INSL6: variants seen among roughly 807,000 people sequenced by gnomAD.
The protein encoded by INSL6 is insulin-like peptide INSL6.
A neutral mutation model predicts 9.4 loss-of-function variants in INSL6; 16 were observed. That is an observed-to-expected ratio of 1.70 (90% CI 1.15 to 2.59). INSL6 has a LOEUF of 2.59. Among genes scored for constraint, INSL6 ranks in the 30% most tolerant of loss-of-function variants. The pLI, the probability that INSL6 is intolerant of heterozygous loss-of-function variation, is 0.00. For synonymous variants in INSL6, 154 were observed against 96.9 expected, an observed-to-expected ratio of 1.59 and a Z score of -3.46; for missense variants, 391 against 257.3, an observed-to-expected ratio of 1.52 and a Z score of -3.56.
the INSL6 span, among the ~76,000 whole-genome samples, chr9:5,042,282 CG>C: frequency 6.6e-6 from 1 of 151,714 alleles, no homozygotes; most frequent in African/African-American, 2.4e-5. Flanking sequence ...GGACTACAGG[CG>C]CCCGCCACCG....
the INSL6 span, chr9:5,112,270 C>A: frequency 1.2e-5 from 3 of 257,320 alleles, no homozygotes; most frequent in Non-Finnish European, 1.5e-5. Context: ...GCCCTGCGGG[C>A]AGCGCCAGCC....
the INSL6 span, among the ~76,000 whole-genome samples, chr9:5,087,409 A>G: frequency 6.6e-6 from 1 of 152,146 alleles, no homozygotes; most frequent in South Asian, 2.1e-4. Context: ...TTCCAATGAC[A>G]TGTGGGGATT....
At chr9:5,156,239 C>T (rs1326241230) in intron 2 of INSL6, among the ~76,000 whole-genome samples, 5 of 152,134 alleles carry the variant, frequency 3.3e-5, no homozygotes, top group Non-Finnish European at 7.4e-5. Context: ...GCCAAAATAA[C>T]TTTATTGGTG....
At chr9:5,135,784 G>T (rs2130882850) in intron 2 of INSL6, among the ~76,000 whole-genome samples, 1 of 152,112 alleles carries the variant, frequency 6.6e-6, no homozygotes, top group East Asian at 1.9e-4. Flanking sequence ...GAGCAGAACT[G>T]AGCAAGACAG....
chr9:5,157,386 G>C (rs917118322), intron 2 of INSL6, among the ~76,000 whole-genome samples: 7 of 152,014 alleles, frequency 4.6e-5, no homozygotes, highest in African/African-American at 1.7e-4. Flanking sequence ...GTATGGTATT[G>C]GCATAATGAT....
chr9:5,140,664 G>A (rs1232887740), intron 2 of INSL6, among the ~76,000 whole-genome samples: 3 of 151,960 alleles, frequency 2.0e-5, no homozygotes, highest in African/African-American at 4.8e-5. Flanking sequence ...TGTCACCAGT[G>A]GCAGAGCCAG....
intron 3 of INSL6, among the ~76,000 whole-genome samples, chr9:5,131,220 T>C (rs536975058): frequency 2.6e-5 from 4 of 152,196 alleles, no homozygotes; most frequent in African/African-American, 9.7e-5. Context: ...TTTCTTCCTC[T>C]GCTTAATAAT....
intron 1 of INSL6, among the ~76,000 whole-genome samples, chr9:5,174,611 T>C (rs1299938181): frequency 2.0e-5 from 3 of 152,214 alleles, no homozygotes; most frequent in South Asian, 4.1e-4. Context: ...ATTTTCTATG[T>C]ACACTTACTC....
the INSL6 span, among the ~76,000 whole-genome samples, chr9:5,031,440 A>T: frequency 1.3e-5 from 2 of 152,242 alleles, no homozygotes; most frequent in African/African-American, 4.8e-5. Context: ...ACATAATAAT[A>T]TGAAGAAATC....
chr9:5,123,145 T>C (rs776214391), downstream of INSL6: 7 of 1,480,240 alleles, frequency 4.7e-6, no homozygotes. Flanking sequence ...TTATTTACTT[T>C]CAGTTTTTTG....
At chr9:5,056,908 G>A in the INSL6 span, among the ~76,000 whole-genome samples, 8 of 152,058 alleles carry the variant, frequency 5.3e-5, no homozygotes, top group Non-Finnish European at 7.4e-5. Context: ...TAAGTGGTAG[G>A]GCTATTTAAA....
the INSL6 span, chr9:5,094,067 ACAAT>A: frequency 6.6e-6 from 1 of 152,196 alleles, no homozygotes; most frequent in Non-Finnish European, 1.5e-5. Context: ...GTAAAACTTT[ACAAT>A]CAAAGGTTCA....
the INSL6 span, among the ~76,000 whole-genome samples, chr9:5,036,927 C>T: frequency 6.6e-6 from 1 of 152,158 alleles, no homozygotes; most frequent in Non-Finnish European, 1.5e-5. Flanking sequence ...GAACAGGCAA[C>T]CTACAGAATG....
At chr9:5,120,523 A>T (rs930714417), downstream of INSL6, among the ~76,000 whole-genome samples, 2 of 152,178 alleles carry the variant, frequency 1.3e-5, no homozygotes, top group African/African-American at 2.4e-5. Flanking sequence ...AATATGGTTG[A>T]CGGTAATAAC....
chr9:5,091,735 G>T, the INSL6 span: 3 of 152,158 alleles, frequency 2.0e-5, no homozygotes, highest in Admixed American at 1.3e-4. Context: ...AGTGAAGCTA[G>T]ATTTTGGCTT....
the INSL6 span, chr9:5,081,830 G>A: frequency 6.2e-7 from 1 of 1,613,584 alleles, no homozygotes; most frequent in Non-Finnish European, 8.5e-7. Context: ...TTTGAAGAGA[G>A]ACATTTGAAA....
At chr9:5,029,835 G>C in the INSL6 span, 1 of 1,611,044 alleles carries the variant, frequency 6.2e-7, no homozygotes, top group Non-Finnish European at 8.5e-7. Flanking sequence ...AAACAGAAAG[G>C]ATCTGGTATC....
At chr9:5,139,437 G>C (rs1174663499) in intron 2 of INSL6, among the ~76,000 whole-genome samples, 1 of 152,112 alleles carries the variant, frequency 6.6e-6, no homozygotes, top group East Asian at 1.9e-4. Context: ...AAAGTTGAAA[G>C]TAAATGAATT....
At chr9:5,034,249 T>C in the INSL6 span, among the ~76,000 whole-genome samples, 4 of 152,074 alleles carry the variant, frequency 2.6e-5, no homozygotes, top group Non-Finnish European at 2.9e-5. Flanking sequence ...AGCAAGTCCT[T>C]AGAGACCTAC....
Sources: gnomAD v4.1 joint callset for allele counts (sites outside exome capture counted in the v4.1 genomes callset) on GRCh38, gnomAD v4.1.1 for gene constraint, MANE v1.5 for transcripts, NCBI Gene and HGNC (gene_info 2026-07-23, HGNC 2026-07-21) for gene names.